The following SIPA1L1 variants were observed in gnomAD, a reference collection of about 807,000 sequenced individuals.
SIPA1L1 encodes signal-induced proliferation-associated 1-like protein 1.
In SIPA1L1, 26 loss-of-function variants were observed where a neutral mutation model predicts 162.7. The observed-to-expected ratio is 0.16, with a 90% CI of 0.12 to 0.22. The LOEUF is 0.22. SIPA1L1 is among the 10% of genes least tolerant of loss of function. The pLI, the probability that SIPA1L1 is intolerant of heterozygous loss-of-function variation, is 1.00. For missense variants in SIPA1L1, 1,874 were observed against 2,241.0 expected, an observed-to-expected ratio of 0.84 and a Z score of 3.31; for synonymous variants, 829 against 837.4, an observed-to-expected ratio of 0.99 and a Z score of 0.17.
At chr14:71,439,416 A>G (rs1375752060) in intron 2 of SIPA1L1, among the ~76,000 whole-genome samples, 1 of 152,238 alleles carries the variant, frequency 6.6e-6, no homozygotes, top group Admixed American at 6.5e-5. Flanking sequence ...TTGGAAATAG[A>G]AAACAGATGT....
intron 2 of SIPA1L1, among the ~76,000 whole-genome samples, chr14:71,476,419 T>C (rs1055433648): frequency 2.0e-5 from 3 of 152,208 alleles, no homozygotes; most frequent in Non-Finnish European, 2.9e-5. Context: ...CAGTTAACTT[T>C]GGAAAGAAAT....
chr14:71,698,635 T>G (rs2081841007), intron 13 of SIPA1L1, among the ~76,000 whole-genome samples: 1 of 152,258 alleles, frequency 6.6e-6, no homozygotes, highest in Non-Finnish European at 1.5e-5. Context: ...GCTATGTTAA[T>G]GTCACTTGGG....
chr14:71,640,373 A>G (rs1226470101), intron 7 of SIPA1L1, among the ~76,000 whole-genome samples: 1 of 152,200 alleles, frequency 6.6e-6, no homozygotes, highest in Admixed American at 6.5e-5. Flanking sequence ...AAGAAAAAAA[A>G]AATTTGAGAA....
At chr14:71,340,795 C>G (rs1189224533) in intron 2 of SIPA1L1, among the ~76,000 whole-genome samples, 1 of 152,092 alleles carries the variant, frequency 6.6e-6, no homozygotes, top group Non-Finnish European at 1.5e-5. Context: ...AAAAATTAGC[C>G]AGGCATGGTG....
chr14:71,530,339 C>A (rs1197417110), intron 4 of SIPA1L1, among the ~76,000 whole-genome samples: 1 of 151,314 alleles, frequency 6.6e-6, no homozygotes, highest in Non-Finnish European at 1.5e-5. Flanking sequence ...AGATTCTACC[C>A]CACCCCCACA....
intron 2 of SIPA1L1, among the ~76,000 whole-genome samples, chr14:71,417,403 C>T (rs1190849983): frequency 4.9e-5 from 6 of 122,844 alleles, no homozygotes; most frequent in South Asian, 2.8e-4. Context: ...CCCCAGGGGG[C>T]GGAGCCTGCA....
chr14:71,501,217 G>T (rs1302698693), intron 2 of SIPA1L1, among the ~76,000 whole-genome samples: 1 of 151,950 alleles, frequency 6.6e-6, no homozygotes, highest in Non-Finnish European at 1.5e-5. Context: ...GCTACTTGGG[G>T]GGCTGAGGTG....
intron 4 of SIPA1L1, among the ~76,000 whole-genome samples, chr14:71,558,294 A>G (rs2056510551): frequency 6.6e-6 from 1 of 152,190 alleles, no homozygotes. Flanking sequence ...TTTACCAGCC[A>G]TTGTATGAGA....
At chr14:71,660,101 G>C (rs2043382762) in intron 9 of SIPA1L1, among the ~76,000 whole-genome samples, 1 of 151,976 alleles carries the variant, frequency 6.6e-6, no homozygotes, top group Non-Finnish European at 1.5e-5. Flanking sequence ...GCCATATTTT[G>C]AAGAATGAAT....
intron 4 of SIPA1L1, among the ~76,000 whole-genome samples, chr14:71,564,490 C>CTTTTTT (rs370431365): frequency 2.0e-5 from 2 of 97,830 alleles, no homozygotes; most frequent in Admixed American, 1.4e-4. Context: ...CATTTTCTTT[C>CTTTTTT]TTTTTTTTTT....
intron 7 of SIPA1L1, among the ~76,000 whole-genome samples, chr14:71,628,296 G>A (rs564918544): frequency 1.3e-5 from 2 of 152,258 alleles, no homozygotes; most frequent in Admixed American, 1.3e-4. Context: ...CTGTGCAAGG[G>A]GAATGAAAGA....
intron 2 of SIPA1L1, among the ~76,000 whole-genome samples, chr14:71,333,155 G>A (rs938547022): frequency 6.6e-6 from 1 of 152,170 alleles, no homozygotes; most frequent in Non-Finnish European, 1.5e-5. Context: ...CTTAATGCCT[G>A]TTTCAGATGA....
At chr14:71,692,459 C>T (rs2081320144) in intron 13 of SIPA1L1, among the ~76,000 whole-genome samples, 1 of 152,214 alleles carries the variant, frequency 6.6e-6, no homozygotes, top group Admixed American at 6.5e-5. Context: ...CAGAGGGCCG[C>T]ATTTGACTTA....
intron 4 of SIPA1L1, among the ~76,000 whole-genome samples, chr14:71,542,295 TCTCCTCTTCCTCCTCCTCCTCTTC>T (rs1169395315): frequency 1.6e-4 from 24 of 146,458 alleles, no homozygotes; most frequent in Admixed American, 4.7e-4. Flanking sequence ...CTCTTCCTCT[TCTCCTCTTCCTCCTCCTCCTCTTC>T]CTCCTCTTCC....
intron 2 of SIPA1L1, among the ~76,000 whole-genome samples, chr14:71,332,878 T>A (rs1379029187): frequency 6.6e-6 from 1 of 152,222 alleles, no homozygotes; most frequent in Non-Finnish European, 1.5e-5. Context: ...TCTATAAATT[T>A]ATTACTATGA....
intron 12 of SIPA1L1, among the ~76,000 whole-genome samples, chr14:71,679,456 A>C (rs1289856667): frequency 6.6e-6 from 1 of 152,226 alleles, no homozygotes; most frequent in Non-Finnish European, 1.5e-5. Context: ...GAAAGGAATA[A>C]TTGGTACCAG....
intron 2 of SIPA1L1, among the ~76,000 whole-genome samples, chr14:71,370,462 T>A (rs1047280219): frequency 6.6e-6 from 1 of 152,162 alleles, no homozygotes; most frequent in Non-Finnish European, 1.5e-5. Flanking sequence ...GTGGTATTCT[T>A]GTTTCACTAT....
At chr14:71,622,789 C>G (rs1003209487) in intron 6 of SIPA1L1, among the ~76,000 whole-genome samples, 3 of 152,132 alleles carry the variant, frequency 2.0e-5, no homozygotes, top group African/African-American at 4.8e-5. Context: ...TATACATCGT[C>G]CCCCTACGAA....
chr14:71,524,113 A>G (rs1000553164), intron 3 of SIPA1L1, among the ~76,000 whole-genome samples: 1 of 147,864 alleles, frequency 6.8e-6, no homozygotes, highest in Non-Finnish European at 1.5e-5. Flanking sequence ...GTATACACAT[A>G]TCTACATTTA....
Sources: allele counts gnomAD v4.1 joint callset (sites outside exome capture counted in the v4.1 genomes callset), GRCh38; gene constraint gnomAD v4.1.1; transcripts MANE v1.5; gene names NCBI Gene and HGNC (gene_info 2026-07-23, HGNC 2026-07-21).